Variants in GIT2 observed in about 807,000 individuals in gnomAD.
The protein encoded by GIT2 is ARF GTPase-activating protein GIT2.
A neutral mutation model predicts 100.3 loss-of-function variants in GIT2; 32 were observed. That is an observed-to-expected ratio of 0.32 (90% CI 0.24 to 0.43). The LOEUF is 0.43. Ranked by LOEUF, GIT2 falls within the 20% of genes least tolerant of loss-of-function variation. The pLI, the probability that GIT2 is intolerant of heterozygous loss-of-function variation, is 1.00. For synonymous variants in GIT2, 353 were observed against 364.1 expected (o/e 0.97, Z 0.35); for missense variants, 737 against 975.1 (o/e 0.76, Z 3.25).
rs1472194284 is a variant in GIT2 at position 109,967,515 on chromosome 12, A to C, written c.719-12T>G. 4 of 1,573,722 alleles carry C rather than the reference A, an allele frequency of 2.5e-6. No homozygotes were observed. The highest frequency in any genetic ancestry group is 2.6e-6 in the Non-Finnish European group (3 of 1,143,536). The stretch of plus-strand genomic sequence containing the variant: ...TCCATTTTTGTGATCTGAAACAGAA[A>C]CCAAGTCAAAGTTTTGTTCATAGAA... On this transcript the variant is annotated splice_polypyrimidine_tract_variant and intron_variant, in intron 7 of 19. Transcript: ENST00000355312.
At chr12:109,976,228 A>G (rs74993352) in intron 7 of GIT2, among the ~76,000 whole-genome samples, 4,883 of 151,178 alleles carry the variant, frequency 0.032, 126 homozygotes, top group Middle Eastern at 0.075. Flanking sequence ...ATCCCCTTTT[A>G]TATTATAGTT....
At chr12:109,967,540 A>G in intron 7 of GIT2, 37 bp from the exon 8 acceptor site, 1 of 1,413,998 alleles carries the variant, frequency 7.1e-7, no homozygotes, top group South Asian at 1.2e-5. Flanking sequence ...TGTTCATAGA[A>G]ATGTTGATAA....
intron 16 of GIT2, 110 bp downstream of exon 16, chr12:109,945,150 T>C (rs1360000077): frequency 3.0e-6 from 2 of 673,128 alleles, no homozygotes; most frequent in East Asian, 2.7e-5. Flanking sequence ...TGCTGCCTCA[T>C]GCAGGACGGA....
intron 18 of GIT2, among the ~76,000 whole-genome samples, chr12:109,936,025 A>G (rs1463319202): frequency 9.2e-5 from 14 of 152,222 alleles, no homozygotes; most frequent in Admixed American, 6.5e-4. Flanking sequence ...CCCAGGAGAC[A>G]AGACCAGACT....
In GIT2 at chr12:109,948,587, G is replaced by A. The variant is rs1024176840; in HGVS notation, c.1393-1083C>T. Reference sequence around the variant, plus strand: ...CTTCTGGTGCGCCTTCATCTTCCATGGACATTCTATAAGCTGGGTGTGGTG... The same window carrying A: ...CTTCTGGTGCGCCTTCATCTTCCATAGACATTCTATAAGCTGGGTGTGGTG... On this transcript the variant is annotated intron_variant, in intron 14 of 19. Transcript: ENST00000355312. This position sits in a 1 kb window ranked among gnomAD's most constrained non-coding sequence, Gnocchi z 4.3. 1.4e-6 allele frequency: 2 copies of A among 1,401,742 alleles called. No homozygotes were observed. The highest frequency in any genetic ancestry group is 2.9e-5 in the African/African-American group (2 of 68,592). 86.8% of individuals were successfully genotyped at this position (1,401,742 alleles called of 1,614,324 possible). A position where few individuals can be genotyped will look rare whatever the true frequency, so the allele number is the denominator to read the frequency against.
intron 3 of GIT2, 84 bp downstream of exon 3, chr12:109,989,606 A>T: frequency 1.3e-6 from 1 of 777,392 alleles, no homozygotes. Context: ...GCCCTTGCGG[A>T]GACTGACCAA....
rs1874814907 is a variant in GIT2, at chr12:109,941,826, TTTTTC to T, written c.1732-2584_1732-2580del. Reference sequence around the variant, plus strand: ...GTGAGCCACCGCACCCTGCCAATTTTTTTTCTTTTTTTTTTTTGAGACAGGGTCTC... The same window carrying T: ...GTGAGCCACCGCACCCTGCCAATTTTTTTTTTTTTTTTGAGACAGGGTCTC... On this transcript the variant is annotated intron_variant, in intron 16 of 19. Coordinates refer to ENST00000355312, the MANE Select transcript of GIT2 (RefSeq NM_057169.5). Among the ~76,000 whole-genome samples, 6 of 151,676 alleles carry T rather than the reference TTTTTC, an allele frequency of 4.0e-5. No individual in the cohort carries two copies. In the South Asian group the frequency reaches 1.2e-3, roughly 32 times the overall value.
chr12:109,941,408 T>C (rs11068984), intron 16 of GIT2, among the ~76,000 whole-genome samples: 43,253 of 152,084 alleles, frequency 0.28, 9,308 homozygotes, highest in African/African-American at 0.61. Flanking sequence ...TGCTAGAAGT[T>C]TATAGCAGGA....
Position 109,964,441 on chromosome 12 carries a change from T to C in GIT2, c.816+1085A>G, listed in dbSNP as rs186283817. On this transcript the variant is annotated intron_variant, in intron 9 of 19. Coordinates refer to ENST00000355312, the MANE Select transcript of GIT2 (RefSeq NM_057169.5). ...ACAGAAATGAGGAGAAAGTCATAAATGAGGGAAGCTGCAATGTCAGAGTCA... is the reference window on the plus strand; with the variant it reads ...ACAGAAATGAGGAGAAAGTCATAAACGAGGGAAGCTGCAATGTCAGAGTCA... 1.9e-3 allele frequency among the ~76,000 whole-genome samples: 284 copies of C among 152,192 alleles called. 2 individuals are homozygous for C. The highest frequency in any genetic ancestry group is 8.4e-3 in the Admixed American group (128 of 15,256).
intron 12 of GIT2, among the ~76,000 whole-genome samples, chr12:109,956,665 C>T (rs1049384044): frequency 6.6e-6 from 1 of 152,160 alleles, no homozygotes; most frequent in Non-Finnish European, 1.5e-5. Flanking sequence ...CTTGTACACA[C>T]ATATTTACAT....
chr12:109,984,294 C>T (rs1055256165), intron 4 of GIT2, among the ~76,000 whole-genome samples: 2 of 151,994 alleles, frequency 1.3e-5, no homozygotes, highest in Non-Finnish European at 2.9e-5. Context: ...CACCTGTAGT[C>T]CCAGCTACTA....
chr12:109,959,444 C>T (rs1880469147), intron 12 of GIT2, among the ~76,000 whole-genome samples: 1 of 152,124 alleles, frequency 6.6e-6, no homozygotes, highest in South Asian at 2.1e-4. Context: ...TGCAATTTTA[C>T]AGGGTAGGTT....
At chr12:109,966,614 C>T (rs989215876) in intron 8 of GIT2, among the ~76,000 whole-genome samples, 4 of 151,106 alleles carry the variant, frequency 2.6e-5, no homozygotes, top group Admixed American at 1.3e-4. Context: ...GAGTTTGCAA[C>T]CAGCCTGGGT....
upstream of GIT2, among the ~76,000 whole-genome samples, chr12:109,996,790 A>G (rs1339617472): frequency 6.6e-6 from 1 of 152,218 alleles, no homozygotes; most frequent in African/African-American, 2.4e-5. Flanking sequence ...ATATTATATG[A>G]TTCCAGGCTG....
chr12:109,976,105 TAC>T (rs145928011), intron 7 of GIT2, among the ~76,000 whole-genome samples: 12 of 148,940 alleles, frequency 8.1e-5, no homozygotes, highest in Admixed American at 1.3e-4. Context: ...GAAATTACTA[TAC>T]ACACACACAC....
chr12:109,940,959 T>C (rs77273363), intron 16 of GIT2, among the ~76,000 whole-genome samples: 14,638 of 149,570 alleles, frequency 0.098, 938 homozygotes, highest in Middle Eastern at 0.18. Context: ...ATAAAGCCTG[T>C]CACTCCTTAC....
intron 16 of GIT2, among the ~76,000 whole-genome samples, chr12:109,942,648 T>G (rs1030259596): frequency 1.1e-4 from 17 of 152,182 alleles, no homozygotes; most frequent in Admixed American, 9.2e-4. Context: ...TAATGAATCT[T>G]TTTGCCTTCC....
At chr12:109,993,991 G>A (rs1593173992) in intron 1 of GIT2, among the ~76,000 whole-genome samples, 4 of 147,664 alleles carry the variant, frequency 2.7e-5, no homozygotes, top group Admixed American at 2.1e-4. Flanking sequence ...CTAAAAAGCA[G>A]AGATTGGAAA....
intron 2 of GIT2, among the ~76,000 whole-genome samples, chr12:109,991,144 T>C (rs987158045): frequency 6.6e-6 from 1 of 152,054 alleles, no homozygotes; most frequent in African/African-American, 2.4e-5. Context: ...ACCCCTTCTC[T>C]ACTAAAAATA....
Sources: gnomAD v4.1 joint callset for allele counts (sites outside exome capture counted in the v4.1 genomes callset) on GRCh38, gnomAD v4.1.1 for gene constraint, Gnocchi (gnomAD v3.1) non-coding constraint, MANE v1.5 for transcripts, NCBI Gene and HGNC (gene_info 2026-07-23, HGNC 2026-07-21) for gene names.